The following MACF1 variants were observed in gnomAD, a reference collection of about 807,000 sequenced individuals.
The protein encoded by MACF1 is microtubule actin crosslinking factor 1.
In MACF1, 193 loss-of-function variants were observed where a neutral mutation model predicts 854.8. The ratio of observed to expected loss-of-function variants is 0.23; its 90% CI spans 0.20 to 0.25. MACF1 has a LOEUF of 0.25. Among genes scored for constraint, MACF1 ranks in the 10% least tolerant of loss-of-function variants. MACF1 has a pLI of 1.00. For missense variants in MACF1, 7,722 were observed against 8,929.1 expected (o/e 0.86, Z 5.45); for synonymous variants, 3,185 against 3,226.7 (o/e 0.99, Z 0.44).
rs369854747 is a variant in MACF1, at chr1:39,356,082, T to A, written c.11425-1293T>A. On this transcript the variant is annotated intron_variant, in intron 44 of 100. Transcript: ENST00000564288. ...GTAGTGGCATAAACAGTATAGGTAG[T>A]AAGGAACACTGACAACTCCCACTGT... Among the ~76,000 whole-genome samples the A allele has an allele frequency of 2.0e-4, 31 of 152,232 alleles. 1 individual carries two copies. The South Asian group carries it at 3.1e-3, about 15-fold the overall frequency.
Position 39,284,136 on chromosome 1 carries a change from C to G in MACF1, c.986C>G (p.Thr329Arg). The change falls in exon 10 of 101, where the codon ACA (threonine) becomes AGA (arginine). Residue 329 changes from threonine (T) to arginine (R), a missense_variant. Thr to Arg is a moderately conservative substitution (Grantham distance 71). Coordinates refer to ENST00000564288, the MANE Select transcript of MACF1 (RefSeq NM_001394062.1). ...CTCATTCCCTGGATCAAACAGCATA[C>G]AATACTGATGTCAGATAAAACTTTT... is the stretch of plus-strand genomic sequence containing the variant. ...DSLIPWIKQH[T>R]ILMSDKTFPQ... 6.2e-7 allele frequency: 1 copy of G among 1,613,940 alleles called. No homozygotes were observed. Among genetic ancestry groups the G allele is most frequent in the Non-Finnish European group, 8.5e-7 (1 of 1,179,922 alleles).
intron 64 of MACF1, 62 bp downstream of exon 64, chr1:39,429,388 G>T: frequency 1.1e-6 from 1 of 931,812 alleles, no homozygotes. Flanking sequence ...TGTACCCAAG[G>T]AAAGGAGTTC....
chr1:39,107,474 C>T (rs550062046), intron 2 of MACF1, among the ~76,000 whole-genome samples: 1 of 144,482 alleles, frequency 6.9e-6, no homozygotes, highest in African/African-American at 2.7e-5. Flanking sequence ...TAAATTACCT[C>T]GAGTTGTATA....
chr1:39,360,177 A>T (rs7540721), intron 47 of MACF1, among the ~76,000 whole-genome samples: 2 of 150,510 alleles, frequency 1.3e-5, no homozygotes, highest in Non-Finnish European at 3.0e-5. Flanking sequence ...AATGATAAGT[A>T]TGTGAGGTAA....
At chr1:39,368,835 A>G (rs886974579) in intron 50 of MACF1, among the ~76,000 whole-genome samples, 2 of 151,688 alleles carry the variant, frequency 1.3e-5, no homozygotes, top group South Asian at 4.2e-4. Context: ...ACTAATAGAA[A>G]GTAGGGATGA....
chr1:39,208,163 A>C (rs927636668), intron 1 of MACF1, among the ~76,000 whole-genome samples: 25 of 94,528 alleles, frequency 2.6e-4, no homozygotes, highest in African/African-American at 7.2e-4. Context: ...GAAATATAAA[A>C]GGGTTTTTTT....
intron 58 of MACF1, chr1:39,413,144 T>C (rs766295348): frequency 2.3e-5 from 37 of 1,612,512 alleles, no homozygotes; most frequent in Non-Finnish European, 3.1e-5. Flanking sequence ...GCTTTAGCTA[T>C]TACAGTACCC....
intron 50 of MACF1, among the ~76,000 whole-genome samples, chr1:39,369,532 T>A (rs113018201): frequency 6.6e-6 from 1 of 152,242 alleles, no homozygotes; most frequent in Admixed American, 6.5e-5. Context: ...CTGATAGATA[T>A]GGCCATTTCC....
chr1:39,158,964 C>T (rs750931833), intron 2 of MACF1, among the ~76,000 whole-genome samples: 14 of 152,090 alleles, frequency 9.2e-5, no homozygotes, highest in Admixed American at 9.2e-4. Context: ...TCAACTGGGC[C>T]GGGCATGAAC....
At chr1:39,395,557 A>G (rs978896179) in intron 58 of MACF1, among the ~76,000 whole-genome samples, 1 of 152,206 alleles carries the variant, frequency 6.6e-6, no homozygotes, top group African/African-American at 2.4e-5. Flanking sequence ...TTGATGATGC[A>G]TTGCCAAAGA....
chr1:39,449,697 A>ATTTTTTTTTTTTT (rs4012670), intron 84 of MACF1, among the ~76,000 whole-genome samples: 1 of 129,778 alleles, frequency 7.7e-6, no homozygotes. Flanking sequence ...CGCGCCTGGC[A>ATTTTTTTTTTTTT]TTTTTTTTTT....
At chr1:39,118,161 TA>T (rs1642594832) in intron 2 of MACF1, among the ~76,000 whole-genome samples, 1 of 152,258 alleles carries the variant, frequency 6.6e-6, no homozygotes, top group Non-Finnish European at 1.5e-5. Flanking sequence ...CTGGTACAGT[TA>T]TCTTTGTAAC....
In MACF1 at chr1:39,402,329, C is replaced by G. The variant is rs183717626; in HGVS notation, c.15816+13671C>G. Among the ~76,000 whole-genome samples, 222 of 152,198 alleles carry G rather than the reference C, an allele frequency of 1.5e-3. 1 individual carries two copies. Among genetic ancestry groups the G allele is most frequent in the African/African-American group, 4.7e-3 (196 of 41,512 alleles). On this transcript the variant is annotated intron_variant, in intron 58 of 100. Coordinates refer to ENST00000564288, the MANE Select transcript of MACF1 (RefSeq NM_001394062.1). ...ACTCTCAGTTAGTCCCAGGGGGAGG[C>G]CCACATCATCACTTTCTCAGGGAAA...
Position 39,357,416 on chromosome 1 carries a change from T to A in MACF1, c.11466T>A (p.Ile3822=). ...QELLSQQQNF[I]LATQSAQAFL... ...TGCTGTCCCAGCAGCAAAATTTCAT[T>A]CTGGCCACCCAGTCAGCTCAGGCCT... The change falls in exon 45 of 101, where the codon ATT becomes ATA. Residue 3822 remains isoleucine, a synonymous_variant. Coordinates refer to ENST00000564288, the MANE Select transcript of MACF1 (RefSeq NM_001394062.1). 6.2e-7 allele frequency: 1 copy of A among 1,613,306 alleles called. No homozygotes were observed. Among genetic ancestry groups the A allele is most frequent in the East Asian group, 2.2e-5 (1 of 44,874 alleles).
Position 39,297,754 on chromosome 1 carries a change from T to C in MACF1, c.2481+9T>C. 1.2e-6 allele frequency: 2 copies of C among 1,613,986 alleles called. No individual in the cohort carries two copies. Among genetic ancestry groups the C allele is most frequent in the Non-Finnish European group, 1.7e-6 (2 of 1,180,002 alleles). On this transcript the variant is annotated intron_variant, in intron 21 of 100. Transcript: ENST00000564288. ...TGCTCCAGGACTCCATGGTGGGTGTTGCCTCAGTGGGGATGATTACTTCTG... is the reference window on the plus strand; with the variant it reads ...TGCTCCAGGACTCCATGGTGGGTGTCGCCTCAGTGGGGATGATTACTTCTG...
At chr1:39,128,967 T>G (rs1313332936) in intron 2 of MACF1, among the ~76,000 whole-genome samples, 1 of 152,238 alleles carries the variant, frequency 6.6e-6, no homozygotes, top group African/African-American at 2.4e-5. Flanking sequence ...CCCAGTTAGA[T>G]TGTGCTGCTT....
chr1:39,273,081 GC>G (rs1441595293), intron 6 of MACF1, among the ~76,000 whole-genome samples: 1 of 150,514 alleles, frequency 6.6e-6, no homozygotes, highest in African/African-American at 2.5e-5. Context: ...CCAAGCTCCT[GC>G]CCACCTTGTT....
At chr1:39,312,049 G>GT (rs1438615126) in intron 26 of MACF1, among the ~76,000 whole-genome samples, 2 of 152,088 alleles carry the variant, frequency 1.3e-5, no homozygotes, top group African/African-American at 4.8e-5. Flanking sequence ...TTTCTATAGG[G>GT]TGATACAAAA....
At chr1:39,449,645 G>A (rs529075987) in intron 84 of MACF1, among the ~76,000 whole-genome samples, 51 of 150,742 alleles carry the variant, frequency 3.4e-4, no homozygotes, top group Middle Eastern at 3.5e-3. Context: ...TGATCCACCC[G>A]CCTCAGCCTC....
Sources: gnomAD v4.1 joint callset for allele counts (sites outside exome capture counted in the v4.1 genomes callset) on GRCh38, gnomAD v4.1.1 for gene constraint, MANE v1.5 for transcripts, NCBI Gene and HGNC (gene_info 2026-07-23, HGNC 2026-07-21) for gene names.